The following LPP variants were observed in gnomAD, a reference collection of about 807,000 sequenced individuals.
LPP encodes the protein lipoma-preferred partner.
LPP carries 38 observed loss-of-function variants against 60.4 expected under a neutral mutation model. The observed-to-expected ratio is 0.63, with a 90% CI of 0.49 to 0.83. The LOEUF (loss-of-function observed/expected upper bound fraction) is 0.83, where lower values mean the gene tolerates loss of function less well. Among genes scored for constraint, LPP ranks in the 40% least tolerant of loss-of-function variants. The pLI is 0.00. For missense variants in LPP, 902 were observed against 783.6 expected (o/e 1.15, Z -1.80); for synonymous variants, 328 against 290.8 (o/e 1.13, Z -1.30).
At chr3:188,161,372 T>TAATATCA (rs1718222091) in intron 1 of LPP, among the ~76,000 whole-genome samples, 1 of 152,222 alleles carries the variant, frequency 6.6e-6, no homozygotes, top group African/African-American at 2.4e-5. Context: ...AGAAACTGTT[T>TAATATCA]GCTGCTAGAA....
chr3:188,630,226 G>T (rs992572816), intron 7 of LPP, among the ~76,000 whole-genome samples: 2 of 152,108 alleles, frequency 1.3e-5, no homozygotes, highest in Admixed American at 6.6e-5. Flanking sequence ...CTATGCATCT[G>T]ACAGAAGTCT....
chr3:188,196,250 A>C (rs952753974), intron 1 of LPP, among the ~76,000 whole-genome samples: 1 of 152,116 alleles, frequency 6.6e-6, no homozygotes, highest in Non-Finnish European at 1.5e-5. Flanking sequence ...TCCAGTTTGG[A>C]ACTCCTGAAC....
rs1770587406 is a variant in LPP at position 188,885,760 on chromosome 3, GT to G, written c.*11282del. On this transcript the variant is annotated 3_prime_UTR_variant, in exon 12 of 12. Coordinates refer to ENST00000617246, the MANE Select transcript of LPP (RefSeq NM_001375462.1). Reference sequence around the variant, plus strand: ...ACTAGTTCACAGTCCCACCAACAGTGTAAAAGTGTTCTTATTTCTCCACATC... The same window carrying G: ...ACTAGTTCACAGTCCCACCAACAGTGAAAAGTGTTCTTATTTCTCCACATC... The G allele has an allele frequency of 6.6e-6, 1 of 152,218 alleles. No homozygotes were observed. Among genetic ancestry groups the G allele is most frequent in the Non-Finnish European group, 1.5e-5 (1 of 68,076 alleles). The allele number at this position is 152,218 out of a possible 1,614,324, so 9.4% of individuals were successfully genotyped here.
intron 2 of LPP, among the ~76,000 whole-genome samples, chr3:188,340,928 T>G (rs9877579): frequency 6.6e-5 from 10 of 151,942 alleles, no homozygotes; most frequent in Admixed American, 6.6e-4. Context: ...TAACCATATA[T>G]ATGGAATAAT....
intron 9 of LPP, among the ~76,000 whole-genome samples, chr3:188,771,104 CTATTA>C (rs1735803021): frequency 6.6e-6 from 1 of 151,990 alleles, no homozygotes; most frequent in African/African-American, 2.4e-5. Context: ...TTCATTAATT[CTATTA>C]TATTGTAGAA....
At chr3:188,547,140 A>T (rs1484102658) in intron 6 of LPP, among the ~76,000 whole-genome samples, 1 of 152,168 alleles carries the variant, frequency 6.6e-6, no homozygotes, top group East Asian at 1.9e-4. Context: ...CAGGAACTGG[A>T]AATGTTCAGC....
At chr3:188,557,192 T>C (rs929081263) in intron 6 of LPP, among the ~76,000 whole-genome samples, 1 of 152,064 alleles carries the variant, frequency 6.6e-6, no homozygotes, top group African/African-American at 2.4e-5. Flanking sequence ...CTTTAACATC[T>C]TCAGACGTGC....
chr3:188,623,414 T>C (rs919457411), intron 7 of LPP, among the ~76,000 whole-genome samples: 3 of 152,032 alleles, frequency 2.0e-5, no homozygotes, highest in Non-Finnish European at 4.4e-5. Context: ...TGCGCCACCA[T>C]AATCAGCTAA....
intron 6 of LPP, among the ~76,000 whole-genome samples, chr3:188,585,524 A>G (rs1477395038): frequency 3.3e-5 from 5 of 152,330 alleles, no homozygotes; most frequent in African/African-American, 9.6e-5. Context: ...GGGAAGAGAC[A>G]AAGAGAAATG....
chr3:188,525,240 C>G (rs1342246495), intron 6 of LPP, among the ~76,000 whole-genome samples: 1 of 152,174 alleles, frequency 6.6e-6, no homozygotes, highest in Non-Finnish European at 1.5e-5. Context: ...GCTGGGATTA[C>G]AGGCCTGAGC....
intron 8 of LPP, among the ~76,000 whole-genome samples, chr3:188,750,266 T>C (rs574968548): frequency 6.6e-6 from 1 of 152,316 alleles, no homozygotes; most frequent in South Asian, 2.1e-4. Flanking sequence ...ATTCAAATCA[T>C]AGCACACATC....
At chr3:188,672,029 C>T (rs1281227069) in intron 7 of LPP, among the ~76,000 whole-genome samples, 7 of 152,220 alleles carry the variant, frequency 4.6e-5, no homozygotes, top group East Asian at 1.9e-4. Flanking sequence ...TAAATAGAAG[C>T]GCTTGAAAAT....
In LPP at chr3:188,307,834, A is replaced by T. The variant is rs1577998380; in HGVS notation, c.-66-33829A>T. 3.9e-5 allele frequency among the ~76,000 whole-genome samples: 6 copies of T among 152,324 alleles called. No homozygotes were observed. The East Asian group carries it at 1.2e-3, about 29-fold the overall frequency. On this transcript the variant is annotated intron_variant, in intron 2 of 11. Transcript: ENST00000617246. Reference sequence around the variant, plus strand: ...CAGGGAATACAGCTGATTATCTCTTAGACATTGTTAGGATAAATTGTTTCT... The same window carrying T: ...CAGGGAATACAGCTGATTATCTCTTTGACATTGTTAGGATAAATTGTTTCT...
At position 188,555,531 on chromosome 3, in the gene LPP, G is replaced by A. The variant is rs1378658004; in HGVS notation, c.429+30744G>A. On this transcript the variant is annotated intron_variant, in intron 6 of 11. Coordinates refer to ENST00000617246, the MANE Select transcript of LPP (RefSeq NM_001375462.1). ...GTGGGATTCTGGATATATTTCCATT[G>A]CAGCCTCAACAACTATTGTGAGCAG... 2.0e-5 allele frequency among the ~76,000 whole-genome samples: 3 copies of A among 152,012 alleles called. No individual in the cohort carries two copies. The East Asian group carries it at 5.8e-4, about 29-fold the overall frequency.
At position 188,546,717 on chromosome 3, in the gene LPP, C is replaced by G. The variant is rs140377181; in HGVS notation, c.429+21930C>G. Among the ~76,000 whole-genome samples the G allele has an allele frequency of 1.5e-3, 230 of 152,296 alleles. 1 individual carries two copies. The highest frequency in any genetic ancestry group is 5.4e-3 in the African/African-American group (223 of 41,562). ...TCTCGTTCCACAAAAGTTTAGCTAT[C>G]TGGTATTCCATCTGGTGATCTATTC... On this transcript the variant is annotated intron_variant, in intron 6 of 11. Transcript: ENST00000617246.
chr3:188,564,684 A>C (rs1831671569), intron 6 of LPP, among the ~76,000 whole-genome samples: 1 of 151,930 alleles, frequency 6.6e-6, no homozygotes, highest in African/African-American at 2.4e-5. Flanking sequence ...AGAAGGAAGG[A>C]AGTCCAAAAA....
intron 4 of LPP, among the ~76,000 whole-genome samples, chr3:188,456,687 A>G (rs1005285834): frequency 6.6e-6 from 1 of 152,248 alleles, no homozygotes; most frequent in African/African-American, 2.4e-5. Context: ...GAGTTTAAGA[A>G]GAGTGTGAGC....
chr3:188,549,518 T>A (rs1827519114), intron 6 of LPP, among the ~76,000 whole-genome samples: 1 of 152,194 alleles, frequency 6.6e-6, no homozygotes, highest in Middle Eastern at 3.2e-3. Flanking sequence ...AGAAAAATTT[T>A]ATAGGTCTTT....
intron 6 of LPP, chr3:188,553,700 G>A (rs1828764500): frequency 6.6e-6 from 1 of 152,204 alleles, no homozygotes; most frequent in Admixed American, 6.5e-5. Context: ...AGATTCTCTT[G>A]ATGAAACAGA....
Sources: gnomAD v4.1 joint callset for allele counts (sites outside exome capture counted in the v4.1 genomes callset) on GRCh38, gnomAD v4.1.1 for gene constraint, MANE v1.5 for transcripts, NCBI Gene and HGNC (gene_info 2026-07-23, HGNC 2026-07-21) for gene names.